The following HOMER1 variants were observed in gnomAD, a reference collection of about 807,000 sequenced individuals.
HOMER1 encodes homer protein homolog 1.
HOMER1 carries 3 observed loss-of-function variants against 48.9 expected under a neutral mutation model. The observed-to-expected ratio is 0.06, with a 90% CI of 0.03 to 0.16. HOMER1 has a LOEUF of 0.16. HOMER1 is among the 10% of genes least tolerant of loss of function. HOMER1 has a pLI of 1.00. For synonymous variants in HOMER1, 134 were observed against 146.4 expected (o/e 0.92, Z 0.61); for missense variants, 247 against 411.4 (o/e 0.60, Z 3.46).
chr5:79,379,916 G>A (rs565311104), intron 8 of HOMER1, among the ~76,000 whole-genome samples: 42 of 152,292 alleles, frequency 2.8e-4, no homozygotes, highest in African/African-American at 9.1e-4. Flanking sequence ...CCTCCTGAGT[G>A]CTTTAAAAGG....
chr5:79,394,542 A>G (rs542124473), intron 8 of HOMER1, among the ~76,000 whole-genome samples: 1 of 152,330 alleles, frequency 6.6e-6, no homozygotes, highest in South Asian at 2.1e-4. Context: ...TGCCAGCTAT[A>G]AAATTCAATT....
intron 5 of HOMER1, among the ~76,000 whole-genome samples, chr5:79,435,950 C>A (rs904343009): frequency 6.7e-5 from 10 of 148,772 alleles, no homozygotes; most frequent in African/African-American, 2.5e-4. Context: ...CAAGGTGAAA[C>A]CCCGTCTCTA....
At chr5:79,425,022 A>G (rs1164341450) in intron 5 of HOMER1, among the ~76,000 whole-genome samples, 6 of 152,042 alleles carry the variant, frequency 3.9e-5, no homozygotes, top group Non-Finnish European at 7.4e-5. Context: ...CTTTAAAGAT[A>G]CTACTTCTTT....
chr5:79,465,390 T>G lies in HOMER1; in HGVS notation c.6-8372A>C, dbSNP rs191616494. Among the ~76,000 whole-genome samples the G allele has an allele frequency of 7.6e-3, 1,150 of 152,160 alleles. 11 individuals carry two copies. Among genetic ancestry groups the G allele is most frequent in the Middle Eastern group, 0.014 (4 of 294 alleles). Reference sequence around the variant, plus strand: ...TGAATTCCTTGATCTTTTAATCTGTTGGGTGAACACTGAAATTAAAGGTTT... The same window carrying G: ...TGAATTCCTTGATCTTTTAATCTGTGGGGTGAACACTGAAATTAAAGGTTT... On this transcript the variant is annotated intron_variant, in intron 1 of 8. Transcript: ENST00000334082.
chr5:79,458,785 T>G (rs778320545), intron 1 of HOMER1, among the ~76,000 whole-genome samples: 1 of 152,176 alleles, frequency 6.6e-6, no homozygotes, highest in Non-Finnish European at 1.5e-5. Flanking sequence ...CATTTAATAA[T>G]TATTAACAAT....
At chr5:79,475,631 G>A (rs1028673263) in intron 1 of HOMER1, among the ~76,000 whole-genome samples, 9 of 152,168 alleles carry the variant, frequency 5.9e-5, no homozygotes, top group Non-Finnish European at 8.8e-5. Flanking sequence ...CCAACTTCTA[G>A]TCTCTAAGCC....
chr5:79,466,156 A>G (rs1439495763), intron 1 of HOMER1, among the ~76,000 whole-genome samples: 2 of 152,034 alleles, frequency 1.3e-5, no homozygotes, highest in Non-Finnish European at 2.9e-5. Context: ...TAAAAACCCC[A>G]TCCATTTCAG....
At chr5:79,443,301 T>C (rs1343006425) in intron 4 of HOMER1, among the ~76,000 whole-genome samples, 2 of 152,336 alleles carry the variant, frequency 1.3e-5, no homozygotes, top group African/African-American at 4.8e-5. Context: ...ATTAGGCATA[T>C]ATAATATTCT....
intron 8 of HOMER1, among the ~76,000 whole-genome samples, chr5:79,380,740 T>C (rs948214196): frequency 6.6e-6 from 1 of 151,888 alleles, no homozygotes; most frequent in African/African-American, 2.4e-5. Flanking sequence ...AGTGAAGGGA[T>C]TGCCCAGCCC....
chr5:79,498,174 G>A (rs1171978889), intron 1 of HOMER1, among the ~76,000 whole-genome samples: 1 of 152,112 alleles, frequency 6.6e-6, no homozygotes, highest in African/African-American at 2.4e-5. Flanking sequence ...GCTGAGGAGG[G>A]CGGATCACCT....
At chr5:79,479,662 C>G (rs1277940937) in intron 1 of HOMER1, among the ~76,000 whole-genome samples, 3 of 152,036 alleles carry the variant, frequency 2.0e-5, no homozygotes. Flanking sequence ...ACCTCTAGAA[C>G]CATATGAGAA....
At chr5:79,474,206 ATTTTTTTTTTT>A (rs1009644672) in intron 1 of HOMER1, among the ~76,000 whole-genome samples, 4 of 98,724 alleles carry the variant, frequency 4.1e-5, no homozygotes, top group East Asian at 7.3e-4. Flanking sequence ...CCCAACCAAA[ATTTTTTTTTTT>A]TTTTTTTTTT....
chr5:79,454,470 T>C lies in HOMER1; in HGVS notation c.162+2392A>G, dbSNP rs141636665. On this transcript the variant is annotated intron_variant, in intron 2 of 8. Transcript: ENST00000334082. ...AATAAGGGAAAAGAAATAAACACTCTAGAGTCTCAGGTTATAATATCTAGT... is the reference window on the plus strand; with the variant it reads ...AATAAGGGAAAAGAAATAAACACTCCAGAGTCTCAGGTTATAATATCTAGT... 2.0e-5 allele frequency among the ~76,000 whole-genome samples: 3 copies of C among 152,062 alleles called. No individual in the cohort carries two copies. The East Asian group carries it at 5.8e-4, about 29-fold the overall frequency.
At chr5:79,464,032 A>C (rs1352845379) in intron 1 of HOMER1, among the ~76,000 whole-genome samples, 2 of 152,214 alleles carry the variant, frequency 1.3e-5, no homozygotes, top group Non-Finnish European at 2.9e-5. Context: ...TCGCTTTCTT[A>C]TCCTTTAGGT....
At chr5:79,450,197 C>T (rs1750993518) in intron 3 of HOMER1, among the ~76,000 whole-genome samples, 1 of 152,172 alleles carries the variant, frequency 6.6e-6, no homozygotes, top group Admixed American at 6.5e-5. Context: ...CTGAATGCTT[C>T]AAACAGAGGT....
intron 1 of HOMER1, among the ~76,000 whole-genome samples, chr5:79,486,941 C>G (rs1752121597): frequency 1.3e-5 from 2 of 152,234 alleles, no homozygotes; most frequent in South Asian, 4.1e-4. Flanking sequence ...GCAAAGTACC[C>G]TTTGAGAATA....
At chr5:79,439,891 G>A (rs1750694899) in intron 4 of HOMER1, among the ~76,000 whole-genome samples, 1 of 151,984 alleles carries the variant, frequency 6.6e-6, no homozygotes, top group African/African-American at 2.4e-5. Flanking sequence ...TGAAGCTCAA[G>A]CTGACACTTA....
Position 79,451,435 on chromosome 5 carries a change from T to G in HOMER1, c.163-314A>C, listed in dbSNP as rs920928522. On this transcript the variant is annotated intron_variant, in intron 2 of 8. Transcript: ENST00000334082. Reference sequence around the variant, plus strand: ...CCTTTTGAATGTTTAGAATCAATATTTATTAATTTTGGATGATAATCACTA... The same window carrying G: ...CCTTTTGAATGTTTAGAATCAATATGTATTAATTTTGGATGATAATCACTA... 2.0e-5 allele frequency among the ~76,000 whole-genome samples: 3 copies of G among 152,126 alleles called. No individual in the cohort carries two copies. In the South Asian group the frequency reaches 6.2e-4, roughly 32 times the overall value.
intron 1 of HOMER1, among the ~76,000 whole-genome samples, chr5:79,508,824 T>C (rs1247592420): frequency 6.6e-6 from 1 of 152,240 alleles, no homozygotes. Context: ...TAGGCTTGAC[T>C]GTCTGCCCAA....
Sources: allele counts gnomAD v4.1 joint callset (sites outside exome capture counted in the v4.1 genomes callset), GRCh38; gene constraint gnomAD v4.1.1; transcripts MANE v1.5; gene names NCBI Gene and HGNC (gene_info 2026-07-23, HGNC 2026-07-21).